The following WASF2 variants were observed in gnomAD, a reference collection of about 807,000 sequenced individuals.
WASF2 encodes actin-binding protein WASF2.
WASF2 carries 14 observed loss-of-function variants against 45.0 expected under a neutral mutation model. The observed-to-expected ratio is 0.31, with a 90% CI of 0.21 to 0.49. The LOEUF (loss-of-function observed/expected upper bound fraction) is 0.49, where lower values mean the gene tolerates loss of function less well. Among genes scored for constraint, WASF2 ranks in the 20% least tolerant of loss-of-function variants. The pLI is 0.99. For missense variants in WASF2, 439 were observed against 636.1 expected (o/e 0.69, Z 3.33); for synonymous variants, 200 against 236.3 (o/e 0.85, Z 1.41).
intron 1 of WASF2, among the ~76,000 whole-genome samples, chr1:27,452,908 T>C (rs2017404414): frequency 6.6e-6 from 1 of 151,180 alleles, no homozygotes; most frequent in South Asian, 2.1e-4. Context: ...TATCTATCAC[T>C]GTTTAAGAAG....
At chr1:27,442,056 T>C in intron 1 of WASF2, among the ~76,000 whole-genome samples, 1 of 149,648 alleles carries the variant, frequency 6.7e-6, no homozygotes, top group East Asian at 2.0e-4. Flanking sequence ...TGGTGAGCCA[T>C]GACTGATTGC....
intron 1 of WASF2, among the ~76,000 whole-genome samples, chr1:27,469,820 T>G (rs772737633): frequency 6.6e-6 from 1 of 152,024 alleles, no homozygotes; most frequent in African/African-American, 2.4e-5. Context: ...TGTGCACCTG[T>G]AGTCCCAGCT....
intron 1 of WASF2, among the ~76,000 whole-genome samples, chr1:27,461,890 G>A (rs543280732): frequency 6.6e-6 from 1 of 151,948 alleles, no homozygotes; most frequent in Non-Finnish European, 1.5e-5. Context: ...TCAAACTCTT[G>A]GGATCAAGTG....
At chr1:27,486,688 CCGCAGCAGGTGGA>C (rs1225449070) in intron 1 of WASF2, among the ~76,000 whole-genome samples, 2 of 152,150 alleles carry the variant, frequency 1.3e-5, no homozygotes, top group Non-Finnish European at 2.9e-5. Context: ...CTTCCGGAGG[CCGCAGCAGGTGGA>C]TCAACCGAGG....
At chr1:27,476,352 C>A (rs2017766590) in intron 1 of WASF2, among the ~76,000 whole-genome samples, 1 of 152,198 alleles carries the variant, frequency 6.6e-6, no homozygotes, top group Admixed American at 6.5e-5. Context: ...GAAGCTTTTA[C>A]TCATGGCAGA....
intron 7 of WASF2, among the ~76,000 whole-genome samples, chr1:27,411,937 C>T (rs993269023): frequency 1.3e-5 from 2 of 152,148 alleles, no homozygotes; most frequent in African/African-American, 2.4e-5. Flanking sequence ...CCATTTGTTT[C>T]GGTATAGGCA....
chr1:27,425,868 C>T (rs981625354), intron 2 of WASF2, among the ~76,000 whole-genome samples: 1 of 106,608 alleles, frequency 9.4e-6, no homozygotes, highest in Non-Finnish European at 1.9e-5. Flanking sequence ...AAAAAATTAG[C>T]TGGGTGTGGT....
rs1457389413 is a variant in WASF2 at position 27,454,403 on chromosome 1, G to A, written c.-43-25470C>T. Among the ~76,000 whole-genome samples the A allele has an allele frequency of 2.0e-5, 3 of 149,678 alleles. No individual in the cohort carries two copies. The East Asian group carries it at 5.9e-4, about 29-fold the overall frequency. On this transcript the variant is annotated intron_variant, in intron 1 of 8. Coordinates refer to ENST00000618852, the MANE Select transcript of WASF2 (RefSeq NM_006990.5). The stretch of plus-strand genomic sequence containing the variant: ...GTTTTCCTGTTGTTCACGGTGAAGT[G>A]CAGTGGTGCAATTACAGATCACTGC...
At chr1:27,422,755 T>A (rs933278707) in intron 2 of WASF2, among the ~76,000 whole-genome samples, 1 of 152,114 alleles carries the variant, frequency 6.6e-6, no homozygotes, top group Non-Finnish European at 1.5e-5. Context: ...CCCCATCAAG[T>A]TACCATAAGG....
intron 6 of WASF2, among the ~76,000 whole-genome samples, chr1:27,413,328 T>C (rs953149188): frequency 6.6e-6 from 1 of 152,192 alleles, no homozygotes; most frequent in African/African-American, 2.4e-5. Context: ...CATGAAAACC[T>C]GTCCCTCAGT....
chr1:27,441,950 G>A (rs371506067), intron 1 of WASF2, among the ~76,000 whole-genome samples: 382 of 131,988 alleles, frequency 2.9e-3, no homozygotes, highest in African/African-American at 0.01. Context: ...AAGAAAGAAA[G>A]AAAAACTCAG....
intron 1 of WASF2, among the ~76,000 whole-genome samples, chr1:27,458,116 C>A (rs1365254090): frequency 1.3e-5 from 2 of 151,636 alleles, no homozygotes; most frequent in Non-Finnish European, 2.9e-5. Flanking sequence ...TCGTGACCAG[C>A]TTGGGTAACA....
At position 27,419,000 on chromosome 1, in the gene WASF2, G is replaced by C. The variant is rs146234725; in HGVS notation, c.219C>G (p.Asp73Glu). ...GCTGAGTGACTTTAACCTGTAGTCGGTCGACCCTCTCAGCAAGGGAGCTTA... is the reference window on the plus strand; with the variant it reads ...GCTGAGTGACTTTAACCTGTAGTCGCTCGACCCTCTCAGCAAGGGAGCTTA... ...SRVSSLAERVDRLQVKVTQLD... is the reference protein window; with the variant it reads ...SRVSSLAERVERLQVKVTQLD... Residue 73 changes from aspartate (D) to glutamate (E), a missense_variant, in exon 3 of 9, where the codon GAC (aspartate) becomes GAG (glutamate). Asp to Glu is a conservative substitution (Grantham distance 45, BLOSUM62 2). Transcript: ENST00000618852. The C allele has an allele frequency of 1.2e-6, 2 of 1,613,996 alleles. No homozygotes were observed. Among genetic ancestry groups the C allele is most frequent in the African/African-American group, 2.7e-5 (2 of 74,980 alleles).
chr1:27,479,565 T>TAA (rs1196755612), intron 1 of WASF2, among the ~76,000 whole-genome samples: 1 of 152,238 alleles, frequency 6.6e-6, no homozygotes, highest in Non-Finnish European at 1.5e-5. Context: ...ACTTTATCTA[T>TAA]AAAATGCAGC....
At chr1:27,454,305 T>C (rs2017437749) in intron 1 of WASF2, among the ~76,000 whole-genome samples, 2 of 150,426 alleles carry the variant, frequency 1.3e-5, no homozygotes, top group South Asian at 4.2e-4. Flanking sequence ...ATCCTCCTAC[T>C]TCAGCCTCCT....
chr1:27,425,617 T>C (rs1188706527), intron 2 of WASF2, among the ~76,000 whole-genome samples: 1 of 152,070 alleles, frequency 6.6e-6, no homozygotes, highest in African/African-American at 2.4e-5. Flanking sequence ...GGTGGGCGGA[T>C]CACGAGGTCA....
At chr1:27,475,958 G>A (rs540666304) in intron 1 of WASF2, among the ~76,000 whole-genome samples, 32 of 152,228 alleles carry the variant, frequency 2.1e-4, no homozygotes, top group African/African-American at 7.7e-4. Flanking sequence ...TGTCTTTACT[G>A]TCTATCCAAG....
chr1:27,455,746 G>A (rs1205396535), intron 1 of WASF2, among the ~76,000 whole-genome samples: 2 of 152,054 alleles, frequency 1.3e-5, no homozygotes, highest in East Asian at 3.8e-4. Context: ...TCCCGGCCCA[G>A]TTCAAGTGTA....
chr1:27,407,677 G>C lies in WASF2; in HGVS notation c.*512C>G, dbSNP rs1360664936. The C allele has an allele frequency of 6.6e-6, 1 of 152,660 alleles. No homozygotes were observed. Among genetic ancestry groups the C allele is most frequent in the Non-Finnish European group, 1.5e-5 (1 of 68,380 alleles). 9.5% of individuals were successfully genotyped at this position (152,660 alleles called of 1,614,324 possible). A position where few individuals can be genotyped will look rare whatever the true frequency, so the allele number is the denominator to read the frequency against. Reference sequence around the variant, plus strand: ...AAAGGCAGGCCCACCCTGCTGATTAGGGCAGAGGGTGAGGCAGTCTGGCCC... The same window carrying C: ...AAAGGCAGGCCCACCCTGCTGATTACGGCAGAGGGTGAGGCAGTCTGGCCC... On this transcript the variant is annotated 3_prime_UTR_variant, in exon 9 of 9. Transcript: ENST00000618852.
Sources: allele counts gnomAD v4.1 joint callset (sites outside exome capture counted in the v4.1 genomes callset), GRCh38; gene constraint gnomAD v4.1.1; transcripts MANE v1.5; gene names NCBI Gene and HGNC (gene_info 2026-07-23, HGNC 2026-07-21).